The following RNASEH1 variants were observed in gnomAD, a reference collection of about 807,000 sequenced individuals.
RNASEH1 encodes the protein ribonuclease H1.
A neutral mutation model predicts 34.6 loss-of-function variants in RNASEH1; 27 were observed. The ratio of observed to expected loss-of-function variants is 0.78; its 90% CI spans 0.58 to 1.08. The LOEUF is 1.08. RNASEH1 is among the 50% of genes least tolerant of loss of function. RNASEH1 has a pLI of 0.00. For missense variants in RNASEH1, 349 were observed against 373.6 expected (o/e 0.93, Z 0.54); for synonymous variants, 162 against 138.4 (o/e 1.17, Z -1.20).
intron 2 of RNASEH1, among the ~76,000 whole-genome samples, chr2:3,553,556 A>T (rs71449681): frequency 0.17 from 24,303 of 145,388 alleles, 2,144 homozygotes; most frequent in Admixed American, 0.24. Flanking sequence ...CACCCAGCTA[A>T]TTTTTTTGTA....
rs1352563457 is a variant in RNASEH1, at chr2:3,550,469, T to C, written c.413A>G (p.Asp138Gly). The C allele has an allele frequency of 1.2e-6, 2 of 1,613,402 alleles. No individual in the cohort carries two copies. The highest frequency in any genetic ancestry group is 1.7e-6 in the Non-Finnish European group (2 of 1,179,442). ...GCCATCAGTGTAGACGACGACGAAG[T>C]CTCCTGTGGGAAAAGGAAGTACATG... ...VSRDTFSYMG[D>G]FVVVYTDGCC... The change falls in exon 4 of 8, where the codon GAC becomes GGC. Residue 138 changes from aspartate (D) to glycine (G), a missense_variant. Around this residue, in one of 2 missense-constraint regions of RNASEH1, gnomAD observed 256 missense variants for 240.7 expected, o/e 1.06. Transcript: ENST00000315212.
chr2:3,546,304 CA>C (rs1387927991), intron 7 of RNASEH1, among the ~76,000 whole-genome samples: 3 of 152,050 alleles, frequency 2.0e-5, no homozygotes, highest in Admixed American at 2.0e-4. Flanking sequence ...ATCAGGCTAC[CA>C]AACTATTATC....
At position 3,549,948 on chromosome 2, in the gene RNASEH1, G is replaced by GA. The variant is rs369750124; in HGVS notation, c.509+424dup. Among the ~76,000 whole-genome samples the GA allele has an allele frequency of 6.3e-3, 784 of 124,546 alleles. 6 individuals carry two copies. Among genetic ancestry groups the GA allele is most frequent in the South Asian group, 0.02 (71 of 3,582 alleles). 81.7% of individuals were successfully genotyped at this position (124,546 alleles called of 152,430 possible). A position where few individuals can be genotyped will look rare whatever the true frequency, so the allele number is the denominator to read the frequency against. On this transcript the variant is annotated intron_variant, in intron 4 of 7. Transcript: ENST00000315212. ...GCGATAGAGTGAGACTCCGTCTCAG[G>GA]AAAAAAAAAAAAAAAGACTCCTCCC...
At chr2:3,556,280 T>A (rs374632110) in intron 2 of RNASEH1, among the ~76,000 whole-genome samples, 1 of 151,048 alleles carries the variant, frequency 6.6e-6, no homozygotes, top group African/African-American at 2.4e-5. Flanking sequence ...CTGTAAACTG[T>A]AGCCCATCCA....
At chr2:3,537,737 G>T (rs925657719), downstream of RNASEH1, among the ~76,000 whole-genome samples, 2 of 151,680 alleles carry the variant, frequency 1.3e-5, no homozygotes, top group Non-Finnish European at 1.5e-5. Flanking sequence ...AAAAAAAAAA[G>T]ATGAAAGAAA....
chr2:3,555,156 A>G (rs1660360636), intron 2 of RNASEH1, among the ~76,000 whole-genome samples: 1 of 152,156 alleles, frequency 6.6e-6, no homozygotes, highest in South Asian at 2.1e-4. Flanking sequence ...TGCCATCCAG[A>G]TGTCTGTGCT....
At chr2:3,534,490 T>C in the RNASEH1 span, among the ~76,000 whole-genome samples, 1 of 152,252 alleles carries the variant, frequency 6.6e-6, no homozygotes, top group Non-Finnish European at 1.5e-5. Flanking sequence ...GGTTGAGCTG[T>C]GACACCCTTG....
At position 3,548,234 on chromosome 2, in the gene RNASEH1, C is replaced by T. The variant is rs546192373; in HGVS notation, c.650-179G>A. 3.3e-5 allele frequency among the ~76,000 whole-genome samples: 5 copies of T among 152,358 alleles called. No homozygotes were observed. The East Asian group carries it at 9.6e-4, about 29-fold the overall frequency. On this transcript the variant is annotated intron_variant, in intron 6 of 7. Transcript: ENST00000315212. ...GGCACAGCCTGAAATACCCTCCTCTCTTCCCTTTCCCCTAACTTGTATTCT... is the reference window on the plus strand; with the variant it reads ...GGCACAGCCTGAAATACCCTCCTCTTTTCCCTTTCCCCTAACTTGTATTCT...
At chr2:3,549,891 A>G (rs1669115012) in intron 4 of RNASEH1, among the ~76,000 whole-genome samples, 1 of 150,830 alleles carries the variant, frequency 6.6e-6, no homozygotes, top group Non-Finnish European at 1.5e-5. Flanking sequence ...GCTTGCAGTG[A>G]GCCGAGATCG....
At chr2:3,551,557 G>A (rs1299922606) in intron 3 of RNASEH1, among the ~76,000 whole-genome samples, 1 of 152,092 alleles carries the variant, frequency 6.6e-6, no homozygotes, top group African/African-American at 2.4e-5. Context: ...TTTTCTACTG[G>A]TTTCCCTTGA....
rs1246809813 is a variant in RNASEH1, at chr2:3,542,678, C to T, written c.*3107G>A. On this transcript the variant is annotated 3_prime_UTR_variant, in exon 8 of 8. Coordinates refer to ENST00000315212, the MANE Select transcript of RNASEH1 (RefSeq NM_002936.6). ...TAGTATTTTTTTTAAATGCTAAATG[C>T]TAAAGAGGAATAAAACAAGTGAGTG... Among the ~76,000 whole-genome samples, 1 of 151,954 alleles carries T rather than the reference C, an allele frequency of 6.6e-6. No homozygotes were observed. Among genetic ancestry groups the T allele is most frequent in the Non-Finnish European group, 1.5e-5 (1 of 67,990 alleles).
intron 2 of RNASEH1, among the ~76,000 whole-genome samples, chr2:3,556,288 C>G (rs571600107): frequency 6.6e-6 from 1 of 151,646 alleles, no homozygotes; most frequent in South Asian, 2.1e-4. Flanking sequence ...TGTAGCCCAT[C>G]CAGTCCAATA....
chr2:3,549,041 C>T lies in RNASEH1; in HGVS notation c.564+17G>A, dbSNP rs747472612. 6.2e-6 allele frequency: 10 copies of T among 1,603,490 alleles called. No individual in the cohort carries two copies. The highest frequency in any genetic ancestry group is 5.0e-5 in the Admixed American group (3 of 59,980). ...AATGCTCAAAAAAGAGAGGCTTAAACGTATCTGATAACTTACATGAATTTC... is the reference window on the plus strand; with the variant it reads ...AATGCTCAAAAAAGAGAGGCTTAAATGTATCTGATAACTTACATGAATTTC... On this transcript the variant is annotated intron_variant, in intron 5 of 7. Coordinates refer to ENST00000315212, the MANE Select transcript of RNASEH1 (RefSeq NM_002936.6).
chr2:3,552,403 A>T, intron 2 of RNASEH1, 95 bp from the exon 3 acceptor site: 1 of 1,264,926 alleles, frequency 7.9e-7, no homozygotes, highest in Non-Finnish European at 1.1e-6. Context: ...TAGTATCATT[A>T]AATCAGACTT....
intron 2 of RNASEH1, among the ~76,000 whole-genome samples, chr2:3,554,152 T>G (rs1348597663): frequency 6.6e-6 from 1 of 152,242 alleles, no homozygotes; most frequent in South Asian, 2.1e-4. Context: ...AACACTTGAC[T>G]GTGATCAGCA....
At position 3,547,798 on chromosome 2, in the gene RNASEH1, G is replaced by A. The variant is rs1023285725; in HGVS notation, c.774+133C>T. 9.6e-6 allele frequency: 9 copies of A among 941,254 alleles called. No individual in the cohort carries two copies. In the South Asian group the frequency reaches 1.4e-4, roughly 14 times the overall value. The allele number at this position is 941,254 out of a possible 1,614,324, so 58.3% of individuals were successfully genotyped here. ...CACTACGCCCAGCCTCAAATACGTT[G>A]TAATATACATTATGATATTAATATC... On this transcript the variant is annotated intron_variant, in intron 7 of 7. Coordinates refer to ENST00000315212, the MANE Select transcript of RNASEH1 (RefSeq NM_002936.6).
Position 3,558,318 on chromosome 2 carries a change from G to T in RNASEH1, c.-58C>A, listed in dbSNP as rs561410375. The T allele has an allele frequency of 1.8e-5, 27 of 1,468,184 alleles. No individual in the cohort carries two copies. In the Middle Eastern group the frequency reaches 5.5e-4, roughly 30 times the overall value. 90.9% of individuals were successfully genotyped at this position (1,468,184 alleles called of 1,614,324 possible). A position where few individuals can be genotyped will look rare whatever the true frequency, so the allele number is the denominator to read the frequency against. On this transcript the variant is annotated 5_prime_UTR_variant, in exon 1 of 8. Transcript: ENST00000315212. ...TCCCGGCCCAGCGTGGGCGCGAGCCGCCGGCGCTCAACACCGCACTTCCGT... is the reference window on the plus strand; with the variant it reads ...TCCCGGCCCAGCGTGGGCGCGAGCCTCCGGCGCTCAACACCGCACTTCCGT...
intron 2 of RNASEH1, 38 bp from the exon 3 acceptor site, chr2:3,552,346 GAACAT>G (rs758242699): frequency 6.3e-7 from 1 of 1,586,594 alleles, no homozygotes; most frequent in Non-Finnish European, 8.6e-7. Context: ...TGGAAACAAT[GAACAT>G]AACACGAAAT....
At chr2:3,538,042 A>AC (rs568294687), downstream of RNASEH1, among the ~76,000 whole-genome samples, 318 of 143,912 alleles carry the variant, frequency 2.2e-3, 1 homozygote, top group African/African-American at 8.0e-3. Context: ...TCTTAAAACA[A>AC]TTTTTTTTTT....
Sources: gnomAD v4.1 joint callset for allele counts (sites outside exome capture counted in the v4.1 genomes callset) on GRCh38, gnomAD v4.1.1 for gene constraint, gnomAD v4.1.1 regional missense constraint, MANE v1.5 for transcripts, NCBI Gene and HGNC (gene_info 2026-07-23, HGNC 2026-07-21) for gene names.